GMNC: variants seen among roughly 807,000 people sequenced by gnomAD.
GMNC encodes geminin coiled-coil domain-containing protein 1.
GMNC carries 16 observed loss-of-function variants against 33.6 expected under a neutral mutation model. That is an observed-to-expected ratio of 0.48 (90% CI 0.32 to 0.72). The LOEUF is 0.72. Among genes scored for constraint, GMNC ranks in the 30% least tolerant of loss-of-function variants. GMNC has a pLI of 0.03. For missense variants in GMNC, 393 were observed against 388.9 expected (o/e 1.01, Z -0.09); for synonymous variants, 156 against 147.3 (o/e 1.06, Z -0.43).
At chr3:190,859,233 A>G (rs1438221089) in intron 2 of GMNC, among the ~76,000 whole-genome samples, 2 of 152,222 alleles carry the variant, frequency 1.3e-5, no homozygotes, top group African/African-American at 2.4e-5. Flanking sequence ...TAGCAGTTAA[A>G]AAGGTAAATT....
intron 2 of GMNC, among the ~76,000 whole-genome samples, chr3:190,859,217 A>G (rs1222145381): frequency 1.3e-5 from 2 of 152,222 alleles, no homozygotes; most frequent in Non-Finnish European, 2.9e-5. Flanking sequence ...TATATGCTGT[A>G]TGACATAGCA....
the GMNC span, among the ~76,000 whole-genome samples, chr3:190,847,045 T>C: frequency 6.6e-6 from 1 of 152,242 alleles, no homozygotes; most frequent in East Asian, 1.9e-4. Context: ...TTGTCTCTTA[T>C]AATTTGGATT....
rs1737899100 is a variant in GMNC at position 190,862,661 on chromosome 3, T to C, written c.-46A>G. The C allele has an allele frequency of 1.3e-6, 2 of 1,551,980 alleles. No individual in the cohort carries two copies. The highest frequency in any genetic ancestry group is 2.0e-5 in the Admixed American group (1 of 50,990). ...TGCAGAAACTGAGCCCACTCAATTT[T>C]TCAGTAAAACCAGTGGGAGCTTTAA... is the stretch of plus-strand genomic sequence containing the variant. On this transcript the variant is annotated 5_prime_UTR_variant, in exon 1 of 5. Transcript: ENST00000442080. This position sits in a 1 kb window ranked among gnomAD's most constrained non-coding sequence, Gnocchi z 4.5.
chr3:190,858,042 G>A, intron 3 of GMNC, 143 bp from the exon 4 acceptor site: 2 of 614,508 alleles, frequency 3.3e-6, no homozygotes, highest in Non-Finnish European at 5.9e-6. Flanking sequence ...ATCCTGAGAG[G>A]CCTAAATTAA....
intron 2 of GMNC, among the ~76,000 whole-genome samples, chr3:190,860,138 G>A (rs1337327320): frequency 6.6e-6 from 1 of 152,140 alleles, no homozygotes; most frequent in East Asian, 1.9e-4. Flanking sequence ...AATACTGCTG[G>A]TATGCCACAG....
chr3:190,860,734 G>A lies in GMNC; in HGVS notation c.128C>T (p.Ala43Val), dbSNP rs766318707. The A allele has an allele frequency of 1.2e-5, 18 of 1,551,392 alleles. No individual in the cohort carries two copies. In the South Asian group the frequency reaches 2.1e-4, roughly 18 times the overall value. Residue 43 changes from alanine (A) to valine (V), a missense_variant, in exon 2 of 5, where the codon GCT becomes GTT. By Grantham distance (64) the Ala-to-Val change is moderately conservative (BLOSUM62 0). Transcript: ENST00000442080. ...VSTETWVSFW[A>V]AGLLDNRELQ... is the part of the protein sequence containing the mutation. ...CTCTCTGTTGTCCAGGAGACCAGCA[G>A]CCCAGAAAGAGACCCAAGTCTCCGT...
chr3:190,855,104 G>C lies in GMNC; in HGVS notation c.*191C>G. 2 of 601,694 alleles carry C rather than the reference G, an allele frequency of 3.3e-6. No individual in the cohort carries two copies. The highest frequency in any genetic ancestry group is 5.8e-6 in the Non-Finnish European group (2 of 345,604). The allele number at this position is 601,694 out of a possible 1,614,324, so 37.3% of individuals were successfully genotyped here. A position where few individuals can be genotyped will look rare whatever the true frequency, so the allele number is the denominator to read the frequency against. ...CAAGTCAAATTTAGGTAAAAGAAGC[G>C]CGGACACGTTTCATTATGGATTCTT... On this transcript the variant is annotated 3_prime_UTR_variant, in exon 5 of 5. Transcript: ENST00000442080.
At chr3:190,859,386 T>C (rs9837329) in intron 2 of GMNC, among the ~76,000 whole-genome samples, 61,336 of 152,008 alleles carry the variant, frequency 0.4, 13,953 homozygotes, top group African/African-American at 0.63. Context: ...AATTCCATTA[T>C]GTTTTTCTAG....
chr3:190,852,284 C>T (rs62286312), downstream of GMNC, among the ~76,000 whole-genome samples: 15,092 of 152,014 alleles, frequency 0.099, 1,040 homozygotes, highest in Admixed American at 0.2. Context: ...TTAAAAAAGT[C>T]GTTTTCTTGA....
At position 190,857,853 on chromosome 3, in the gene GMNC, T is replaced by C. The variant is rs1737781066; in HGVS notation, c.314A>G (p.His105Arg). The change falls in exon 4 of 5, where the codon CAC becomes CGC. Residue 105 changes from histidine to arginine, a missense_variant. By Grantham distance (29) the His-to-Arg change is conservative (BLOSUM62 0). Coordinates refer to ENST00000442080, the MANE Select transcript of GMNC (RefSeq NM_001146686.3). Reference protein sequence around the residue: ...VQKEEELARLHEENNHLRQYL... With the variant: ...VQKEEELARLREENNHLRQYL... Reference sequence around the variant, plus strand: ...TTGTCTGAGGTGATTATTCTCTTCGTGTAACCTGGCGAGTTCTTCTTCCTT... The same window carrying C: ...TTGTCTGAGGTGATTATTCTCTTCGCGTAACCTGGCGAGTTCTTCTTCCTT... 6.4e-7 allele frequency: 1 copy of C among 1,551,338 alleles called. No individual in the cohort carries two copies. The highest frequency in any genetic ancestry group is 2.0e-5 in the Admixed American group (1 of 51,010).
chr3:190,848,844 G>A (rs1737590092), downstream of GMNC, among the ~76,000 whole-genome samples: 1 of 152,200 alleles, frequency 6.6e-6, no homozygotes. Flanking sequence ...ACAGTTATGA[G>A]TGGAGGAACT....
At position 190,853,080 on chromosome 3, in the gene GMNC, T is replaced by G. The variant is rs1214975726; in HGVS notation, c.*2215A>C. 2 of 152,096 alleles carry G rather than the reference T, an allele frequency of 1.3e-5. No individual in the cohort carries two copies. Among genetic ancestry groups the G allele is most frequent in the Non-Finnish European group, 2.9e-5 (2 of 67,982 alleles). 9.4% of individuals were successfully genotyped at this position (152,096 alleles called of 1,614,324 possible). On this transcript the variant is annotated 3_prime_UTR_variant, in exon 5 of 5. Transcript: ENST00000442080. ...ATCTTTAAACTGGGCCAAAATTAAG[T>G]TTCATTTAAAAGCTATCAAAAGCTA...
In GMNC at chr3:190,861,455, C is replaced by CATCTATCTATCTATCTATCT. The variant is rs11378580; in HGVS notation, c.4-617_4-598dup. ...TCTGTCTGTCTGTCTGTCTGCCTAT[C>CATCTATCTATCTATCTATCT]ATCTATCTATCTATCTATCTATCTA... On this transcript the variant is annotated intron_variant, in intron 1 of 4. Transcript: ENST00000442080. The surrounding 1 kb of genome is among the most constrained non-coding windows in gnomAD (Gnocchi z 5.1). Among the ~76,000 whole-genome samples the CATCTATCTATCTATCTATCT allele has an allele frequency of 1.4e-5, 2 of 145,896 alleles. No homozygotes were observed.
At chr3:190,858,871 A>G in intron 3 of GMNC, 57 bp downstream of exon 3, 1 of 960,486 alleles carries the variant, frequency 1.0e-6, no homozygotes, top group Non-Finnish European at 1.6e-6. Context: ...AGATATTAGC[A>G]GTGGGGAATG....
Position 190,855,763 on chromosome 3 carries a change from T to C in GMNC, c.537A>G (p.Glu179=), listed in dbSNP as rs1577910609. The part of the protein sequence containing the change: ...NLSSEFANCE[E]QAGPPVDPWV... ...AGGGATCCACAGGGGGCCCAGCTTGTTCTTCACAGTTAGCAAATTCACTAG... is the reference window on the plus strand; with the variant it reads ...AGGGATCCACAGGGGGCCCAGCTTGCTCTTCACAGTTAGCAAATTCACTAG... Residue 179 remains glutamate, a synonymous_variant, in exon 5 of 5, where the codon GAA becomes GAG. Transcript: ENST00000442080. 8 of 1,551,522 alleles carry C rather than the reference T, an allele frequency of 5.2e-6. No homozygotes were observed. The highest frequency in any genetic ancestry group is 2.7e-5 in the African/African-American group (2 of 73,126).
At chr3:190,859,287 T>C (rs1379733571) in intron 2 of GMNC, among the ~76,000 whole-genome samples, 3 of 152,174 alleles carry the variant, frequency 2.0e-5, no homozygotes, top group Non-Finnish European at 4.4e-5. Flanking sequence ...ATATATGTAT[T>C]CCTGCTGGAT....
downstream of GMNC, among the ~76,000 whole-genome samples, chr3:190,851,340 C>G (rs1274861198): frequency 1.3e-5 from 2 of 152,196 alleles, no homozygotes; most frequent in South Asian, 4.1e-4. Context: ...ATGTTGGTTT[C>G]TGTCATGCTT....
In GMNC at chr3:190,861,255, T is replaced by C. The variant is rs1276014239; in HGVS notation, c.4-397A>G. ...TATTTGGTTCTTTCTGCAAATACCTTAATTATATTTCTAAAACTCCTGAAG... is the reference window on the plus strand; with the variant it reads ...TATTTGGTTCTTTCTGCAAATACCTCAATTATATTTCTAAAACTCCTGAAG... On this transcript the variant is annotated intron_variant, in intron 1 of 4. Transcript: ENST00000442080. This position sits in a 1 kb window ranked among gnomAD's most constrained non-coding sequence, Gnocchi z 5.1. Among the ~76,000 whole-genome samples the C allele has an allele frequency of 6.6e-6, 1 of 152,220 alleles. No individual in the cohort carries two copies. Among genetic ancestry groups the C allele is most frequent in the Non-Finnish European group, 1.5e-5 (1 of 68,038 alleles).
At chr3:190,848,331 T>G (rs1200118798), downstream of GMNC, among the ~76,000 whole-genome samples, 1 of 152,218 alleles carries the variant, frequency 6.6e-6, no homozygotes, top group Non-Finnish European at 1.5e-5. Context: ...TACCATTCTC[T>G]ACATAGGCCC....
Sources: allele counts gnomAD v4.1 joint callset (sites outside exome capture counted in the v4.1 genomes callset), GRCh38; gene constraint gnomAD v4.1.1; non-coding constraint Gnocchi (gnomAD v3.1); transcripts MANE v1.5; gene names NCBI Gene and HGNC (gene_info 2026-07-23, HGNC 2026-07-21).